MAGI2: variants seen among roughly 807,000 people sequenced by gnomAD.
MAGI2 encodes membrane associated guanylate kinase, WW and PDZ domain containing 2, also known as membrane-associated guanylate kinase, WW and PDZ domain-containing protein 2.
MAGI2 carries 35 observed loss-of-function variants against 133.3 expected under a neutral mutation model. The ratio of observed to expected loss-of-function variants is 0.26; its 90% CI spans 0.20 to 0.35. MAGI2 has a LOEUF of 0.35. Among genes scored for constraint, MAGI2 ranks in the 10% least tolerant of loss-of-function variants. MAGI2 has a pLI of 1.00. For synonymous variants in MAGI2, 729 were observed against 710.6 expected (o/e 1.03, Z -0.41); for missense variants, 1,636 against 1,863.4 (o/e 0.88, Z 2.25).
chr7:79,202,190 C>T (rs927885795), intron 1 of MAGI2, among the ~76,000 whole-genome samples: 4 of 151,814 alleles, frequency 2.6e-5, no homozygotes, highest in African/African-American at 9.7e-5. Context: ...ACCAGTATTA[C>T]CTTTCAGTGG....
At chr7:79,432,968 CAGA>C (rs1270748447) in intron 1 of MAGI2, among the ~76,000 whole-genome samples, 5 of 152,100 alleles carry the variant, frequency 3.3e-5, no homozygotes, top group Admixed American at 6.6e-5. Flanking sequence ...CAAGAGGAGA[CAGA>C]AGAAGGTGAG....
chr7:79,214,407 CTATATA>C (rs1196193501), intron 1 of MAGI2, among the ~76,000 whole-genome samples: 510 of 17,658 alleles, frequency 0.029, 8 homozygotes, highest in South Asian at 0.048. Flanking sequence ...CTCTCTCTCT[CTATATA>C]TATATATATA....
At chr7:78,631,898 C>T (rs936567991) in intron 2 of MAGI2, among the ~76,000 whole-genome samples, 2 of 152,166 alleles carry the variant, frequency 1.3e-5, no homozygotes, top group African/African-American at 4.8e-5. Flanking sequence ...CAAGGTTCTC[C>T]ACCTCTGTAA....
At chr7:78,472,010 A>G (rs1267687902) in intron 6 of MAGI2, among the ~76,000 whole-genome samples, 1 of 151,768 alleles carries the variant, frequency 6.6e-6, no homozygotes, top group Non-Finnish European at 1.5e-5. Context: ...TGGCAAAACC[A>G]GGATCTGAAT....
At chr7:78,955,420 T>C (rs1029623199) in intron 2 of MAGI2, among the ~76,000 whole-genome samples, 6 of 152,168 alleles carry the variant, frequency 3.9e-5, no homozygotes, top group African/African-American at 1.4e-4. Context: ...ATTTGTAAGT[T>C]ATTTGCATAT....
At chr7:78,348,026 C>T (rs1353269389) in intron 7 of MAGI2, among the ~76,000 whole-genome samples, 2 of 152,196 alleles carry the variant, frequency 1.3e-5, no homozygotes, top group Admixed American at 6.5e-5. Flanking sequence ...TCCTTTGAAA[C>T]CTTCCTATTA....
intron 1 of MAGI2, among the ~76,000 whole-genome samples, chr7:79,237,529 A>G (rs1832034826): frequency 6.6e-6 from 1 of 152,206 alleles, no homozygotes; most frequent in Non-Finnish European, 1.5e-5. Context: ...AAATGTAGAA[A>G]TATTCTATAA....
intron 1 of MAGI2, among the ~76,000 whole-genome samples, chr7:79,020,521 C>T (rs1273986169): frequency 6.6e-6 from 1 of 152,076 alleles, no homozygotes; most frequent in Non-Finnish European, 1.5e-5. Flanking sequence ...AATCCCAGCA[C>T]TTTGTGAGGC....
At chr7:78,444,326 GA>G (rs1420253962) in intron 6 of MAGI2, among the ~76,000 whole-genome samples, 29 of 152,058 alleles carry the variant, frequency 1.9e-4, no homozygotes, top group Non-Finnish European at 3.5e-4. Context: ...GCAGAACAGT[GA>G]AAAAAGACTT....
At position 78,872,619 on chromosome 7, in the gene MAGI2, GT is replaced by G. The variant is rs559035934; in HGVS notation, c.418+134470del. Reference sequence around the variant, plus strand: ...AGACAAGGGTAACTGTCCTTACTGAGTTTTTTTTTTTTTAGATTCACTCTCA... The same window carrying G: ...AGACAAGGGTAACTGTCCTTACTGAGTTTTTTTTTTTTAGATTCACTCTCA... On this transcript the variant is annotated intron_variant, in intron 2 of 21. Coordinates refer to ENST00000354212, the MANE Select transcript of MAGI2 (RefSeq NM_012301.4). 3.9e-3 allele frequency among the ~76,000 whole-genome samples: 557 copies of G among 143,608 alleles called. 2 individuals are homozygous for G. The highest frequency in any genetic ancestry group is 0.01 in the African/African-American group (412 of 39,430). 94.2% of individuals were successfully genotyped at this position (143,608 alleles called of 152,430 possible). A position where few individuals can be genotyped will look rare whatever the true frequency, so the allele number is the denominator to read the frequency against.
intron 6 of MAGI2, among the ~76,000 whole-genome samples, chr7:78,422,263 G>A (rs10480677): frequency 6.6e-6 from 1 of 152,112 alleles, no homozygotes; most frequent in Admixed American, 6.5e-5. Context: ...ATTCTCATTT[G>A]TCACACTGAT....
chr7:78,154,330 A>C (rs573110233), intron 16 of MAGI2, among the ~76,000 whole-genome samples: 1 of 152,344 alleles, frequency 6.6e-6, no homozygotes, highest in East Asian at 1.9e-4. Context: ...ATGCTGGAGA[A>C]AGCACACATG....
chr7:79,098,570 G>C (rs953899577), intron 1 of MAGI2, among the ~76,000 whole-genome samples: 2 of 152,204 alleles, frequency 1.3e-5, no homozygotes, highest in Non-Finnish European at 2.9e-5. Context: ...TCGGAGTGCT[G>C]AGGAGCTGGT....
chr7:79,029,617 G>A (rs1359624692), intron 1 of MAGI2, among the ~76,000 whole-genome samples: 1 of 152,046 alleles, frequency 6.6e-6, no homozygotes, highest in African/African-American at 2.4e-5. Context: ...AGAATGTGAG[G>A]CTCAGAGTAG....
At chr7:78,941,909 A>G (rs1471631246) in intron 2 of MAGI2, among the ~76,000 whole-genome samples, 1 of 152,116 alleles carries the variant, frequency 6.6e-6, no homozygotes. Flanking sequence ...ATCTTGGCAT[A>G]AAACTCATCT....
At chr7:78,108,589 C>T (rs1409519285) in intron 20 of MAGI2, among the ~76,000 whole-genome samples, 1 of 151,972 alleles carries the variant, frequency 6.6e-6, no homozygotes, top group Non-Finnish European at 1.5e-5. Flanking sequence ...TTTCCACCTG[C>T]TGTTATATTG....
At chr7:78,314,978 A>T (rs1458784210) in intron 9 of MAGI2, among the ~76,000 whole-genome samples, 1 of 152,162 alleles carries the variant, frequency 6.6e-6, no homozygotes, top group African/African-American at 2.4e-5. Context: ...CAGATAGGAC[A>T]TGCTATAGAA....
intron 2 of MAGI2, among the ~76,000 whole-genome samples, chr7:78,976,719 A>G (rs1562740827): frequency 6.6e-6 from 1 of 151,376 alleles, no homozygotes; most frequent in Non-Finnish European, 1.5e-5. Context: ...ACTACAAAAA[A>G]AAAACAAAAA....
Position 78,525,958 on chromosome 7 carries a change from C to T in MAGI2, c.539-4313G>A, listed in dbSNP as rs76032982. On this transcript the variant is annotated intron_variant, in intron 3 of 21. Coordinates refer to ENST00000354212, the MANE Select transcript of MAGI2 (RefSeq NM_012301.4). ...TTAATGATACTAAAAGGATATATGACGTGACTAGATCAGAGTAGATGCTCA... is the reference window on the plus strand; with the variant it reads ...TTAATGATACTAAAAGGATATATGATGTGACTAGATCAGAGTAGATGCTCA... Among the ~76,000 whole-genome samples, 1,143 of 152,202 alleles carry T rather than the reference C, an allele frequency of 7.5e-3. 13 individuals carry two copies. The highest frequency in any genetic ancestry group is 0.026 in the African/African-American group (1,099 of 41,520).
Sources: allele counts gnomAD v4.1 joint callset (sites outside exome capture counted in the v4.1 genomes callset), GRCh38; gene constraint gnomAD v4.1.1; transcripts MANE v1.5; gene names NCBI Gene and HGNC (gene_info 2026-07-23, HGNC 2026-07-21).